The following PIK3R6 variants were observed in gnomAD, a reference collection of about 807,000 sequenced individuals.
PIK3R6 encodes the protein phosphoinositide-3-kinase regulatory subunit 6, also known as phosphoinositide 3-kinase regulatory subunit 6.
In PIK3R6, 91 loss-of-function variants were observed where a neutral mutation model predicts 84.9. The observed-to-expected ratio is 1.07, with a 90% CI of 0.90 to 1.28. The LOEUF (loss-of-function observed/expected upper bound fraction) is 1.28. PIK3R6 is among the 50% of genes most tolerant of loss of function. The probability of loss-of-function intolerance (pLI) is 0.00; values close to 1 mark genes in which losing one functional copy is unlikely to be tolerated. For synonymous variants in PIK3R6, 416 were observed against 411.4 expected (o/e 1.01, Z -0.13); for missense variants, 996 against 985.1 (o/e 1.01, Z -0.15).
intron 1 of PIK3R6, among the ~76,000 whole-genome samples, chr17:8,858,259 G>A (rs1325986756): frequency 2.0e-5 from 3 of 149,722 alleles, no homozygotes; most frequent in Admixed American, 1.3e-4. Context: ...AGGAAATAAA[G>A]CTTGCCCTTT....
rs1259099474 is a variant in PIK3R6 at position 8,829,749 on chromosome 17, G to A, written c.846C>T (p.Ser282=). 1.3e-6 allele frequency: 2 copies of A among 1,553,704 alleles called. No individual in the cohort carries two copies. The highest frequency in any genetic ancestry group is 1.7e-6 in the Non-Finnish European group (2 of 1,148,368). ...QERPPSIPLP[S]PYITFHLWTG... Reference sequence around the variant, plus strand: ...TCCACAAGTGGAAGGTGATGTAGGGGCTGGGCAGGGGAATGCTTGGTGGCC... The same window carrying A: ...TCCACAAGTGGAAGGTGATGTAGGGACTGGGCAGGGGAATGCTTGGTGGCC... The change falls in exon 10 of 20, where the codon AGC becomes AGT. Residue 282 remains serine (S), a synonymous_variant. Transcript: ENST00000619866.
At position 8,836,755 on chromosome 17, in the gene PIK3R6, G is replaced by A. The variant is rs183885155; in HGVS notation, c.391+36C>T. 2.5e-5 allele frequency: 40 copies of A among 1,610,928 alleles called. No individual in the cohort carries two copies. The African/African-American group carries it at 4.7e-4, about 19-fold the overall frequency. ...AAAGACCCTGGGCAATGTTGGAGGT[G>A]CAGCGTGGGAGACAAAGATGCCCAG... On this transcript the variant is annotated intron_variant, in intron 6 of 19. Coordinates refer to ENST00000619866, the MANE Select transcript of PIK3R6 (RefSeq NM_001010855.4).
rs566852031 is a variant in PIK3R6 at position 8,829,582 on chromosome 17, ACTGACACACACT to A, written c.889+112_889+123del. 8.0e-4 allele frequency: 812 copies of A among 1,014,082 alleles called. 7 individuals carry two copies. The African/African-American group carries it at 0.012, about 15-fold the overall frequency. 62.8% of individuals were successfully genotyped at this position (1,014,082 alleles called of 1,614,324 possible). On this transcript the variant is annotated intron_variant, in intron 10 of 19. Transcript: ENST00000619866. ...CATGCACACATACACACACAGACAC[ACTGACACACACT>A]CATGCATACACACACTGACACACGC...
At position 8,836,574 on chromosome 17, in the gene PIK3R6, G is replaced by A. The variant is rs371755231; in HGVS notation, c.434C>T (p.Thr145Met). ...QRMVIAEQNL[T>M]NELYPYQERV... Reference sequence around the variant, plus strand: ...CTCCTGGTAGGGATACAGCTCATTCGTCAAGTTCTGTTCGGCAATGACCAT... The same window carrying A: ...CTCCTGGTAGGGATACAGCTCATTCATCAAGTTCTGTTCGGCAATGACCAT... The change falls in exon 7 of 20, where the codon ACG becomes ATG. Residue 145 changes from threonine to methionine, a missense_variant. Thr to Met is a moderately conservative substitution (Grantham distance 81, BLOSUM62 -1). Transcript: ENST00000619866. 7.1e-5 allele frequency: 114 copies of A among 1,613,956 alleles called. No individual in the cohort carries two copies. Among genetic ancestry groups the A allele is most frequent in the Middle Eastern group, 4.9e-4 (3 of 6,062 alleles).
chr17:8,832,375 CTTTTTTTTTTTT>C (rs759188865), intron 9 of PIK3R6, among the ~76,000 whole-genome samples: 9 of 77,816 alleles, frequency 1.2e-4, no homozygotes, highest in Admixed American at 1.8e-4. Context: ...TACCCACCTT[CTTTTTTTTTTTT>C]TTTTTTTTTT....
rs76671016 is a variant in PIK3R6 at position 8,849,395 on chromosome 17, G to A, written c.13+387C>T. Among the ~76,000 whole-genome samples, 1,237 of 152,316 alleles carry A rather than the reference G, an allele frequency of 8.1e-3. 24 individuals carry two copies. The highest frequency in any genetic ancestry group is 0.029 in the African/African-American group (1,185 of 41,570). The stretch of plus-strand genomic sequence containing the variant: ...GCCTCCATTTCCCCTCCTGTAAAAC[G>A]AGAGTAATAATACCTGTCTTAGGAG... On this transcript the variant is annotated intron_variant, in intron 2 of 19. Transcript: ENST00000619866.
intron 2 of PIK3R6, among the ~76,000 whole-genome samples, chr17:8,845,480 T>A (rs528110170): frequency 1.0e-3 from 153 of 152,350 alleles, no homozygotes; most frequent in Non-Finnish European, 1.6e-3. Context: ...TCTGTTCATG[T>A]CTTTTACCCA....
chr17:8,854,746 T>C (rs1041327791), intron 1 of PIK3R6, among the ~76,000 whole-genome samples: 4 of 152,238 alleles, frequency 2.6e-5, no homozygotes, highest in African/African-American at 9.6e-5. Context: ...AATAAACTTT[T>C]AGAAGAAAGC....
At chr17:8,827,086 G>A in intron 13 of PIK3R6, 86 bp downstream of exon 13, 1 of 1,470,130 alleles carries the variant, frequency 6.8e-7, no homozygotes, top group Non-Finnish European at 9.2e-7. Flanking sequence ...CACCCTCGCT[G>A]CCTACTTGGG....
chr17:8,837,950 A>G, intron 4 of PIK3R6, 79 bp from the exon 5 acceptor site: 3 of 1,271,038 alleles, frequency 2.4e-6, no homozygotes, highest in Non-Finnish European at 2.3e-6. Flanking sequence ...CTAGGCTGGG[A>G]GTGGGCAGGA....
intron 18 of PIK3R6, among the ~76,000 whole-genome samples, chr17:8,813,207 A>G (rs1348553215): frequency 1.3e-5 from 2 of 152,178 alleles, no homozygotes; most frequent in Non-Finnish European, 1.5e-5. Context: ...AAGAGGAAAT[A>G]GAATCTTGAA....
intron 4 of PIK3R6, chr17:8,838,354 T>A: frequency 1.9e-6 from 1 of 528,862 alleles, no homozygotes; most frequent in East Asian, 3.3e-5. Flanking sequence ...TAGTGCTTCT[T>A]TTTGAAAGAT....
chr17:8,826,855 G>A (rs2087934334), intron 13 of PIK3R6, among the ~76,000 whole-genome samples: 1 of 151,938 alleles, frequency 6.6e-6, no homozygotes, highest in Non-Finnish European at 1.5e-5. Context: ...ACACAAGAAG[G>A]AGTATAACTG....
rs2088475676 is a variant in PIK3R6, at chr17:8,836,596, C to G, written c.412G>C (p.Val138Leu). The G allele has an allele frequency of 6.2e-7, 1 of 1,614,002 alleles. No individual in the cohort carries two copies. Among genetic ancestry groups the G allele is most frequent in the Non-Finnish European group, 8.5e-7 (1 of 1,179,894 alleles). The part of the protein sequence containing the change: ...AVPGTLYQRM[V>L]IAEQNLTNEL... The stretch of plus-strand genomic sequence containing the variant: ...TTCGTCAAGTTCTGTTCGGCAATGA[C>G]CATCCTTTGGTACAGTGTCCCTGCA... Residue 138 changes from valine to leucine, a missense_variant, in exon 7 of 20, where the codon GTC becomes CTC. Val to Leu is a conservative substitution (Grantham distance 32, BLOSUM62 1). Transcript: ENST00000619866.
At chr17:8,824,735 A>C (rs1252312167) in intron 13 of PIK3R6, among the ~76,000 whole-genome samples, 2 of 152,212 alleles carry the variant, frequency 1.3e-5, no homozygotes, top group African/African-American at 4.8e-5. Context: ...AAATGTTCCC[A>C]CTGTAATAGC....
At position 8,827,285 on chromosome 17, in the gene PIK3R6, C is replaced by T. The variant is rs778404286; in HGVS notation, c.1402G>A (p.Ala468Thr). 2 of 1,554,384 alleles carry T rather than the reference C, an allele frequency of 1.3e-6. No homozygotes were observed. Among genetic ancestry groups the T allele is most frequent in the Middle Eastern group, 1.7e-4 (1 of 5,998 alleles). The change falls in exon 13 of 20, where the codon GCA becomes ACA. Residue 468 changes from alanine to threonine, a missense_variant. Ala to Thr is a moderately conservative substitution (Grantham distance 58). Coordinates refer to ENST00000619866, the MANE Select transcript of PIK3R6 (RefSeq NM_001010855.4). The part of the protein sequence containing the change: ...IPVLAPEKPA[A>T]SRQPELGELA... ...TCTCCCAGCTCCGGCTGCCTGGATG[C>T]TGCAGGCTTCTGGGGGAAAGGGGAT...
chr17:8,833,053 G>A lies in PIK3R6; in HGVS notation c.646-8C>T, dbSNP rs1021539089. 12 of 1,570,614 alleles carry A rather than the reference G, an allele frequency of 7.6e-6. No homozygotes were observed. The highest frequency in any genetic ancestry group is 8.6e-6 in the Non-Finnish European group (10 of 1,161,650). On this transcript the variant is annotated splice_region_variant and splice_polypyrimidine_tract_variant and intron_variant, in intron 8 of 19. Transcript: ENST00000619866. ...GGTGCGGCGAGGGCTGGCCTGTTGG[G>A]GAGGGGCGTCAGAGCCTGGGTCTTG...
chr17:8,838,074 C>T (rs1253649327), intron 4 of PIK3R6, among the ~76,000 whole-genome samples: 1 of 151,624 alleles, frequency 6.6e-6, no homozygotes, highest in African/African-American at 2.4e-5. Flanking sequence ...GGTGTGGGAG[C>T]GTGGGGGGGC....
chr17:8,845,065 G>T (rs1296594177), intron 2 of PIK3R6, among the ~76,000 whole-genome samples: 2 of 152,134 alleles, frequency 1.3e-5, no homozygotes, highest in Non-Finnish European at 2.9e-5. Context: ...TCTTTATCCA[G>T]TCTGTTGTTG....
Sources: gnomAD v4.1 joint callset for allele counts (sites outside exome capture counted in the v4.1 genomes callset) on GRCh38, gnomAD v4.1.1 for gene constraint, MANE v1.5 for transcripts, NCBI Gene and HGNC (gene_info 2026-07-23, HGNC 2026-07-21) for gene names.